USH2A: variants seen among roughly 807,000 people sequenced by gnomAD.
USH2A encodes the protein usherin, also known as Usher syndrome 2A (autosomal recessive, mild).
USH2A carries 443 observed loss-of-function variants against 538.9 expected under a neutral mutation model. The observed-to-expected ratio is 0.82, with a 90% CI of 0.76 to 0.89. The LOEUF is 0.89. USH2A is among the 40% of genes least tolerant of loss of function. The probability of loss-of-function intolerance (pLI) is 0.00; values close to 1 mark genes in which losing one functional copy is unlikely to be tolerated. For synonymous variants in USH2A, 2,413 were observed against 2,273.5 expected (o/e 1.06, Z -1.75); for missense variants, 6,633 against 6,324.8 (o/e 1.05, Z -1.65).
At position 216,346,127 on chromosome 1, in the gene USH2A, C is replaced by A. The variant is rs1020267756; in HGVS notation, c.785-18473G>T. Among the ~76,000 whole-genome samples the A allele has an allele frequency of 2.0e-5, 3 of 152,112 alleles. No individual in the cohort carries two copies. The South Asian group carries it at 6.2e-4, about 31-fold the overall frequency. On this transcript the variant is annotated intron_variant, in intron 4 of 71. Coordinates refer to ENST00000307340, the MANE Select transcript of USH2A (RefSeq NM_206933.4). ...TGTCTTGAATTTTCCTTTCTCTGAA[C>A]ACCTGGGAGGTTACCTTTGATAAAG...
chr1:215,717,315 G>A (rs1006305532), intron 61 of USH2A, among the ~76,000 whole-genome samples: 3 of 152,102 alleles, frequency 2.0e-5, no homozygotes, highest in African/African-American at 7.2e-5. Flanking sequence ...AAAGGTCTAC[G>A]GAATCATCCA....
intron 64 of USH2A, among the ~76,000 whole-genome samples, chr1:215,660,715 T>C (rs1285664271): frequency 6.6e-6 from 1 of 152,202 alleles, no homozygotes; most frequent in African/African-American, 2.4e-5. Flanking sequence ...AGCAATTCAA[T>C]GGATTCTTTA....
intron 11 of USH2A, among the ~76,000 whole-genome samples, chr1:216,288,636 C>T (rs936084298): frequency 3.3e-5 from 5 of 151,868 alleles, no homozygotes; most frequent in East Asian, 1.9e-4. Context: ...TCTCCTTTAC[C>T]GATTTTCACA....
At position 215,674,505 on chromosome 1, in the gene USH2A, T is replaced by G; in HGVS notation, c.13406A>C (p.Asn4469Thr). The G allele has an allele frequency of 1.2e-6, 2 of 1,614,154 alleles. No homozygotes were observed. The highest frequency in any genetic ancestry group is 1.7e-6 in the Non-Finnish European group (2 of 1,180,008). ...ATAACTTCTGATCTGGCCATTTGGG[T>G]TTCTTGGAGGTTTCCAGGTGATTTC... ...SIEITWKPPR[N>T]PNGQIRSYEL... The change falls in exon 63 of 72, where the codon AAC (asparagine) becomes ACC (threonine). Residue 4469 changes from asparagine to threonine, a missense_variant. Asn to Thr is a moderately conservative substitution (Grantham distance 65, BLOSUM62 0). Coordinates refer to ENST00000307340, the MANE Select transcript of USH2A (RefSeq NM_206933.4).
At position 215,674,076 on chromosome 1, in the gene USH2A, G is replaced by C. The variant is rs370984011; in HGVS notation, c.13811+24C>G. On this transcript the variant is annotated intron_variant, in intron 63 of 71. Transcript: ENST00000307340. Reference sequence around the variant, plus strand: ...AAAGGTCAGCAGTGGCTTACTCTCAGAAAACCGAGACATGGCTACCTACCT... The same window carrying C: ...AAAGGTCAGCAGTGGCTTACTCTCACAAAACCGAGACATGGCTACCTACCT... The C allele has an allele frequency of 1.9e-6, 3 of 1,613,700 alleles. No individual in the cohort carries two copies. The African/African-American group carries it at 4.0e-5, about 22-fold the overall frequency.
At chr1:216,305,992 CA>C (rs2037309997) in intron 9 of USH2A, among the ~76,000 whole-genome samples, 1 of 152,136 alleles carries the variant, frequency 6.6e-6, no homozygotes, top group Admixed American at 6.5e-5. Context: ...TGTGCCTTGG[CA>C]ATGACCTTTT....
chr1:215,734,926 C>T (rs1660113046), intron 60 of USH2A, among the ~76,000 whole-genome samples: 1 of 152,186 alleles, frequency 6.6e-6, no homozygotes, highest in Non-Finnish European at 1.5e-5. Flanking sequence ...TTCCTGTCTT[C>T]TTCTGAGCCC....
At chr1:216,317,404 G>A (rs1055185963) in intron 9 of USH2A, among the ~76,000 whole-genome samples, 3 of 152,088 alleles carry the variant, frequency 2.0e-5, no homozygotes, top group African/African-American at 7.2e-5. Context: ...GATGGTGGGG[G>A]CTGTGGGGGG....
intron 32 of USH2A, among the ~76,000 whole-genome samples, chr1:216,030,718 A>C (rs747672998): frequency 1.3e-4 from 19 of 150,274 alleles, no homozygotes; most frequent in Non-Finnish European, 2.7e-4. Context: ...TAAGATAGCT[A>C]TCAAGTATTG....
intron 60 of USH2A, among the ~76,000 whole-genome samples, chr1:215,739,587 G>A (rs148602110): frequency 2.0e-4 from 31 of 152,332 alleles, no homozygotes; most frequent in African/African-American, 7.0e-4. Flanking sequence ...ACATTTTAGA[G>A]CCTGCACTAA....
intron 4 of USH2A, among the ~76,000 whole-genome samples, chr1:216,328,002 T>C (rs1162471215): frequency 6.6e-6 from 1 of 152,142 alleles, no homozygotes; most frequent in Non-Finnish European, 1.5e-5. Flanking sequence ...TAAATTTGAT[T>C]GTCATCTGCT....
At chr1:216,283,922 C>A (rs1250985870) in intron 11 of USH2A, among the ~76,000 whole-genome samples, 1 of 152,076 alleles carries the variant, frequency 6.6e-6, no homozygotes, top group African/African-American at 2.4e-5. Flanking sequence ...AGAATCTTAA[C>A]CTCATGTTGG....
At chr1:216,284,540 G>A (rs2036845484) in intron 11 of USH2A, among the ~76,000 whole-genome samples, 1 of 152,162 alleles carries the variant, frequency 6.6e-6, no homozygotes, top group Admixed American at 6.5e-5. Context: ...TCTCAGGTTT[G>A]TTCTTATAGT....
chr1:215,688,127 A>C (rs2797249), intron 61 of USH2A, among the ~76,000 whole-genome samples: 25,738 of 151,994 alleles, frequency 0.17, 2,605 homozygotes, highest in African/African-American at 0.26. Context: ...GTCCTTGAAG[A>C]AGTTACATTT....
chr1:216,089,579 A>G (rs899833628), intron 22 of USH2A, among the ~76,000 whole-genome samples: 10 of 152,122 alleles, frequency 6.6e-5, no homozygotes, highest in Non-Finnish European at 7.4e-5. Context: ...AGTCACTCTT[A>G]TCTTCACAAA....
intron 61 of USH2A, among the ~76,000 whole-genome samples, chr1:215,701,042 T>G (rs2102689700): frequency 6.6e-6 from 1 of 152,314 alleles, no homozygotes; most frequent in East Asian, 1.9e-4. Flanking sequence ...AACGTATGTA[T>G]TTTTGCTTTA....
At chr1:216,351,850 A>C (rs1019589369) in intron 4 of USH2A, among the ~76,000 whole-genome samples, 14 of 151,600 alleles carry the variant, frequency 9.2e-5, no homozygotes, top group African/African-American at 3.4e-4. Flanking sequence ...AAAAAAAAAA[A>C]TGTTGAACAT....
rs113513093 is a variant in USH2A at position 216,256,861 on chromosome 1, C to G, written c.1972-5763G>C. 2.6e-5 allele frequency among the ~76,000 whole-genome samples: 4 copies of G among 151,878 alleles called. No homozygotes were observed. The East Asian group carries it at 7.7e-4, about 29-fold the overall frequency. ...CAATGGTAGGCCATTAGTAGTTAAGCTTTTGGAGAGTCAAAATTAAACTTG... is the reference window on the plus strand; with the variant it reads ...CAATGGTAGGCCATTAGTAGTTAAGGTTTTGGAGAGTCAAAATTAAACTTG... On this transcript the variant is annotated intron_variant, in intron 11 of 71. Transcript: ENST00000307340.
chr1:216,167,750 T>C (rs1460280577), intron 21 of USH2A, among the ~76,000 whole-genome samples: 2 of 152,158 alleles, frequency 1.3e-5, no homozygotes, highest in African/African-American at 2.4e-5. Flanking sequence ...AATTTTTAAA[T>C]AAATTTTCAC....
Sources: allele counts gnomAD v4.1 joint callset (sites outside exome capture counted in the v4.1 genomes callset), GRCh38; gene constraint gnomAD v4.1.1; transcripts MANE v1.5; gene names NCBI Gene and HGNC (gene_info 2026-07-23, HGNC 2026-07-21).